SORL1-AS1: variants seen among roughly 807,000 people sequenced by gnomAD.
SORL1-AS1 encodes the protein SORL1 antisense RNA 1.
chr11:121,441,904 C>T, the SORL1-AS1 span, among the ~76,000 whole-genome samples: 3 of 152,214 alleles, frequency 2.0e-5, no homozygotes, highest in Non-Finnish European at 4.4e-5. Flanking sequence ...AACTAATCCA[C>T]TGATCCTAAA....
chr11:121,444,005 G>C (rs1031761889), downstream of SORL1-AS1, among the ~76,000 whole-genome samples: 1 of 152,084 alleles, frequency 6.6e-6, no homozygotes, highest in Non-Finnish European at 1.5e-5. Context: ...CTCCTGTAAG[G>C]GTTTTAGGGG....
At chr11:121,445,104 T>C (rs747457089), downstream of SORL1-AS1, among the ~76,000 whole-genome samples, 8 of 152,356 alleles carry the variant, frequency 5.3e-5, no homozygotes, top group Admixed American at 6.5e-5. Flanking sequence ...TATTATTTTA[T>C]GTGGAGCCTC....
At chr11:121,438,539 G>C in the SORL1-AS1 span, among the ~76,000 whole-genome samples, 1 of 151,826 alleles carries the variant, frequency 6.6e-6, no homozygotes, top group African/African-American at 2.4e-5. Flanking sequence ...AAGTGGAGTC[G>C]TTCATTGTGT....
the SORL1-AS1 span, among the ~76,000 whole-genome samples, chr11:121,438,503 G>A: frequency 3.9e-3 from 599 of 152,088 alleles, 5 homozygotes; most frequent in African/African-American, 0.014. Flanking sequence ...CCATAGATGA[G>A]TTTTTCCTGT....
At chr11:121,440,100 T>C in the SORL1-AS1 span, among the ~76,000 whole-genome samples, 1 of 152,268 alleles carries the variant, frequency 6.6e-6, no homozygotes, top group South Asian at 2.1e-4. Flanking sequence ...AGGGTGGGCA[T>C]GGTGGCTCAT....
the SORL1-AS1 span, among the ~76,000 whole-genome samples, chr11:121,440,845 C>T: frequency 6.6e-6 from 1 of 152,170 alleles, no homozygotes; most frequent in Non-Finnish European, 1.5e-5. Flanking sequence ...AGACAGTCTT[C>T]CCTGGGTCTT....
At chr11:121,438,402 G>A in the SORL1-AS1 span, among the ~76,000 whole-genome samples, 1 of 152,004 alleles carries the variant, frequency 6.6e-6, no homozygotes, top group African/African-American at 2.4e-5. Context: ...TGTGAAAATT[G>A]CCATCACCCA....
At chr11:121,442,240 T>G in the SORL1-AS1 span, among the ~76,000 whole-genome samples, 2 of 152,182 alleles carry the variant, frequency 1.3e-5, no homozygotes, top group Admixed American at 6.5e-5. Context: ...CTTTACTAGA[T>G]GCAGATGCGA....
the SORL1-AS1 span, among the ~76,000 whole-genome samples, chr11:121,440,914 G>T: frequency 2.0e-5 from 3 of 152,308 alleles, no homozygotes; most frequent in Admixed American, 2.0e-4. Flanking sequence ...ATACAGTTAT[G>T]CTTTTCTCTT....
downstream of SORL1-AS1, among the ~76,000 whole-genome samples, chr11:121,446,141 C>T (rs545955375): frequency 1.8e-4 from 28 of 152,318 alleles, no homozygotes; most frequent in African/African-American, 6.0e-4. Context: ...ACTCCCTTCA[C>T]TTTTACTTCA....
Position 121,452,301 on chromosome 11 carries a change from C to G in SORL1-AS1, n.339+374G>C, listed in dbSNP as rs1021011548. ...CGCGCTGCACATTCTCTCCTGGCGG[C>G]GGCGCCACCTGCAGTAGCGTTCGCC... On this transcript the variant is annotated intron_variant and non_coding_transcript_variant, in intron 1 of 1. Coordinates refer to ENST00000501964, the Ensembl canonical transcript of SORL1-AS1. The surrounding 1 kb of genome is among the most constrained non-coding windows in gnomAD (Gnocchi z 5.3). 6.8e-7 allele frequency: 1 copy of G among 1,468,928 alleles called. No homozygotes were observed. Among genetic ancestry groups the G allele is most frequent in the Non-Finnish European group, 9.0e-7 (1 of 1,109,018 alleles). 91.0% of individuals were successfully genotyped at this position (1,468,928 alleles called of 1,614,324 possible). A position where few individuals can be genotyped will look rare whatever the true frequency, so the allele number is the denominator to read the frequency against.
chr11:121,443,268 G>T (rs747727742), downstream of SORL1-AS1, among the ~76,000 whole-genome samples: 5 of 152,194 alleles, frequency 3.3e-5, no homozygotes, highest in Non-Finnish European at 5.9e-5. Flanking sequence ...GGACTTTCTA[G>T]TGCTAGCTGA....
the SORL1-AS1 span, among the ~76,000 whole-genome samples, chr11:121,441,597 A>C: frequency 2.6e-5 from 4 of 151,444 alleles, no homozygotes; most frequent in South Asian, 8.4e-4. Context: ...AGGTGTGACT[A>C]TGAGACTAAG....
rs1198094709 is a variant in SORL1-AS1, at chr11:121,452,196, G to A, written n.339+479C>T. Reference sequence around the variant, plus strand: ...TGGCGGCAGCGGCGGCGGGCGCAGCGGGGCGGCCCGGAGCGGCGCGGGCGG... The same window carrying A: ...TGGCGGCAGCGGCGGCGGGCGCAGCAGGGCGGCCCGGAGCGGCGCGGGCGG... On this transcript the variant is annotated intron_variant and non_coding_transcript_variant, in intron 1 of 1. Transcript: ENST00000501964. This position sits in a 1 kb window ranked among gnomAD's most constrained non-coding sequence, Gnocchi z 5.3. 2 of 382,468 alleles carry A rather than the reference G, an allele frequency of 5.2e-6. No homozygotes were observed. Among genetic ancestry groups the A allele is most frequent in the East Asian group, 1.5e-4 (1 of 6,698 alleles). 23.7% of individuals were successfully genotyped at this position (382,468 alleles called of 1,614,324 possible).
At chr11:121,441,865 T>A in the SORL1-AS1 span, among the ~76,000 whole-genome samples, 1 of 152,188 alleles carries the variant, frequency 6.6e-6, no homozygotes, top group Non-Finnish European at 1.5e-5. Flanking sequence ...ATTTTGGGTC[T>A]CTGTGGCATG....
downstream of SORL1-AS1, among the ~76,000 whole-genome samples, chr11:121,444,535 C>T (rs1384755054): frequency 1.3e-5 from 2 of 152,204 alleles, no homozygotes; most frequent in African/African-American, 2.4e-5. Flanking sequence ...TAGTACTTTA[C>T]ACTGCACATG....
downstream of SORL1-AS1, among the ~76,000 whole-genome samples, chr11:121,443,719 C>A (rs1017224212): frequency 6.6e-6 from 1 of 152,212 alleles, no homozygotes; most frequent in Non-Finnish European, 1.5e-5. Flanking sequence ...ACATCATGTA[C>A]ATTTGAATCA....
chr11:121,452,544 C>A lies in SORL1-AS1; in HGVS notation n.339+131G>T. 6.7e-7 allele frequency: 1 copy of A among 1,496,906 alleles called. No homozygotes were observed. Among genetic ancestry groups the A allele is most frequent in the Non-Finnish European group, 8.9e-7 (1 of 1,128,858 alleles). 92.7% of individuals were successfully genotyped at this position (1,496,906 alleles called of 1,614,324 possible). A position where few individuals can be genotyped will look rare whatever the true frequency, so the allele number is the denominator to read the frequency against. On this transcript the variant is annotated intron_variant and non_coding_transcript_variant, in intron 1 of 1. Coordinates refer to ENST00000501964, the Ensembl canonical transcript of SORL1-AS1. This position sits in a 1 kb window ranked among gnomAD's most constrained non-coding sequence, Gnocchi z 5.3. ...GCGGGGATGCCAGGGGGGCGAGCCG[C>A]GCGGACGAGAAGCCGCTCCGGAGGA...
chr11:121,442,390 T>C (rs1054540356), downstream of SORL1-AS1, among the ~76,000 whole-genome samples: 2 of 152,094 alleles, frequency 1.3e-5, no homozygotes, highest in African/African-American at 2.4e-5. Flanking sequence ...ATCCCAGAAC[T>C]TTGGAAAGCC....
Sources: allele counts gnomAD v4.1 joint callset (sites outside exome capture counted in the v4.1 genomes callset), GRCh38; gene constraint gnomAD v4.1.1; non-coding constraint Gnocchi (gnomAD v3.1); transcripts MANE v1.5; gene names NCBI Gene and HGNC (gene_info 2026-07-23, HGNC 2026-07-21).